The following AP2B1 variants were observed in gnomAD, a reference collection of about 807,000 sequenced individuals.
AP2B1 encodes the protein adaptor related protein complex 2 subunit beta 1, also known as AP-2 complex subunit beta.
A neutral mutation model predicts 102.0 loss-of-function variants in AP2B1; 23 were observed. The ratio of observed to expected loss-of-function variants is 0.23; its 90% CI spans 0.16 to 0.32. The LOEUF (loss-of-function observed/expected upper bound fraction) is 0.32, where lower values mean the gene tolerates loss of function less well. Among genes scored for constraint, AP2B1 ranks in the 10% least tolerant of loss-of-function variants. AP2B1 has a pLI of 1.00. For synonymous variants in AP2B1, 381 were observed against 421.2 expected (o/e 0.90, Z 1.17); for missense variants, 541 against 1,157.4 (o/e 0.47, Z 7.73).
intron 17 of AP2B1, among the ~76,000 whole-genome samples, chr17:35,678,686 A>G (rs2075753204): frequency 1.3e-5 from 2 of 152,226 alleles, no homozygotes; most frequent in African/African-American, 4.8e-5. Flanking sequence ...AACCAACCTT[A>G]CATTCCTGGG....
intron 14 of AP2B1, among the ~76,000 whole-genome samples, chr17:35,658,830 C>T (rs8073935): frequency 0.63 from 95,018 of 151,994 alleles, 29,743 homozygotes; most frequent in Non-Finnish European, 0.65. Context: ...GGGATTTATA[C>T]CAGCCAGTAG....
intron 12 of AP2B1, 33 bp downstream of exon 12, chr17:35,642,008 T>A (rs368682270): frequency 1.1e-4 from 167 of 1,515,268 alleles, no homozygotes; most frequent in Non-Finnish European, 1.5e-4. Context: ...GATGTTGATT[T>A]GTCTTGTTTC....
chr17:35,597,859 G>C (rs1023640578), intron 2 of AP2B1, among the ~76,000 whole-genome samples: 1 of 152,136 alleles, frequency 6.6e-6, no homozygotes, highest in African/African-American at 2.4e-5. Context: ...ATACGCGCCT[G>C]CTCCCTACCT....
chr17:35,589,321 G>A (rs960669686), intron 1 of AP2B1, among the ~76,000 whole-genome samples: 19 of 152,238 alleles, frequency 1.2e-4, no homozygotes, highest in African/African-American at 4.6e-4. Context: ...GGTTAACTTT[G>A]GCCAGTTTTT....
At chr17:35,720,449 C>G (rs1229175742) in intron 21 of AP2B1, among the ~76,000 whole-genome samples, 2 of 149,562 alleles carry the variant, frequency 1.3e-5, no homozygotes, top group Non-Finnish European at 3.0e-5. Flanking sequence ...ATAAATTCAG[C>G]ATGGAATAAA....
At position 35,686,977 on chromosome 17, in the gene AP2B1, AAAAAG is replaced by A. The variant is rs1178507460; in HGVS notation, c.2454+4168_2454+4172del. 2.6e-5 allele frequency among the ~76,000 whole-genome samples: 4 copies of A among 152,164 alleles called. No homozygotes were observed. In the South Asian group the frequency reaches 6.2e-4, roughly 24 times the overall value. The stretch of plus-strand genomic sequence containing the variant: ...GGGTGACAGAGCGAGACTCCGTCTC[AAAAAG>A]AAAAGAAAAGAAAAACCCAGTCCTG... On this transcript the variant is annotated intron_variant, in intron 18 of 21. Transcript: ENST00000610402.
At chr17:35,620,065 C>T (rs183645609) in intron 5 of AP2B1, among the ~76,000 whole-genome samples, 7 of 152,244 alleles carry the variant, frequency 4.6e-5, no homozygotes, top group East Asian at 1.9e-4. Context: ...GGATTACAGG[C>T]GTGAACCACC....
rs755678145 is a variant in AP2B1 at position 35,636,304 on chromosome 17, TC to T, written c.1156-36del. 5.8e-5 allele frequency: 86 copies of T among 1,476,980 alleles called. No individual in the cohort carries two copies. The African/African-American group carries it at 1.1e-3, about 19-fold the overall frequency. The allele number at this position is 1,476,980 out of a possible 1,614,324, so 91.5% of individuals were successfully genotyped here. ...TGTTGAGGTGGTGTTATCGCATAGA[TC>T]ATCTGACTTCTCATTTTTTGTATTT... On this transcript the variant is annotated intron_variant, in intron 9 of 21. Transcript: ENST00000610402.
intron 18 of AP2B1, among the ~76,000 whole-genome samples, chr17:35,701,635 C>T (rs2076241303): frequency 6.6e-6 from 1 of 152,318 alleles, no homozygotes; most frequent in East Asian, 1.9e-4. Flanking sequence ...CAGGATCTCA[C>T]TCTGTTGCCC....
intron 5 of AP2B1, among the ~76,000 whole-genome samples, chr17:35,610,604 A>G (rs183871777): frequency 6.5e-4 from 98 of 151,574 alleles, no homozygotes; most frequent in Admixed American, 2.8e-3. Context: ...CTCTACAAAA[A>G]TTTTTTTAAA....
chr17:35,650,840 G>A (rs762503125), intron 13 of AP2B1, 51 bp downstream of exon 13: 3 of 1,580,760 alleles, frequency 1.9e-6, no homozygotes, highest in Admixed American at 3.5e-5. Flanking sequence ...TGTTTAGACA[G>A]CGTTGCTCTT....
At chr17:35,668,326 T>A (rs1202513260) in intron 14 of AP2B1, among the ~76,000 whole-genome samples, 1 of 152,170 alleles carries the variant, frequency 6.6e-6, no homozygotes, top group African/African-American at 2.4e-5. Flanking sequence ...AAATAACTGA[T>A]TCTCTAACGG....
At chr17:35,656,988 A>G (rs188120972) in intron 13 of AP2B1, among the ~76,000 whole-genome samples, 15 of 152,244 alleles carry the variant, frequency 9.9e-5, no homozygotes, top group Admixed American at 5.2e-4. Context: ...GCTCCTGCCA[A>G]TATAATTTTT....
rs2073655463 is a variant in AP2B1 at position 35,605,835 on chromosome 17, G to T, written c.274G>T (p.Val92Leu). The T allele has an allele frequency of 6.2e-7, 1 of 1,608,432 alleles. No individual in the cohort carries two copies. The highest frequency in any genetic ancestry group is 1.3e-5 in the African/African-American group (1 of 74,498). ...DMAIMAVNSF[V>L]KDCEDPNPLI... ...GGCCATCATGGCTGTAAACAGCTTT[G>T]TGAAGGTAACTTTTCCCAAGGCCTC... is the stretch of plus-strand genomic sequence containing the variant. Residue 92 changes from valine to leucine, a missense_variant, in exon 4 of 22, where the codon GTG (valine) becomes TTG (leucine). This residue lies in a region of AP2B1 where 28 missense variants were observed against 98.3 expected (regional missense o/e 0.28). Transcript: ENST00000610402.
intron 20 of AP2B1, among the ~76,000 whole-genome samples, chr17:35,714,560 T>C (rs1410888092): frequency 3.3e-5 from 5 of 152,118 alleles, no homozygotes; most frequent in East Asian, 1.9e-4. Flanking sequence ...AGAAATCTTA[T>C]ATTGGCTGGG....
chr17:35,709,992 A>G (rs2076415310), intron 19 of AP2B1, among the ~76,000 whole-genome samples: 1 of 152,232 alleles, frequency 6.6e-6, no homozygotes, highest in Non-Finnish European at 1.5e-5. Flanking sequence ...ATAGGAAAAC[A>G]AGGGAGCCAA....
At position 35,647,652 on chromosome 17, in the gene AP2B1, A is replaced by G. The variant is rs781477870; in HGVS notation, c.1537-2878A>G. On this transcript the variant is annotated intron_variant, in intron 12 of 21. Coordinates refer to ENST00000610402, the MANE Select transcript of AP2B1 (RefSeq NM_001030006.2). ...TTCTATATGCTTTTCGTCTTTAACC[A>G]CCAATCCATTATGAGTGCAATTTAA... 6.6e-5 allele frequency among the ~76,000 whole-genome samples: 10 copies of G among 152,144 alleles called. No homozygotes were observed. In the East Asian group the frequency reaches 1.9e-3, roughly 29 times the overall value.
intron 21 of AP2B1, 134 bp from the exon 22 acceptor site, chr17:35,723,491 C>G (rs2085462220): frequency 6.4e-6 from 4 of 624,080 alleles, no homozygotes; most frequent in East Asian, 5.2e-5. Context: ...AACATAATCT[C>G]TTTGTTTAGC....
chr17:35,695,015 A>C (rs924370140), intron 18 of AP2B1, among the ~76,000 whole-genome samples: 1 of 152,226 alleles, frequency 6.6e-6, no homozygotes, highest in African/African-American at 2.4e-5. Context: ...AGACAGCAGC[A>C]ACCAAGGGCA....
Sources: gnomAD v4.1 joint callset for allele counts (sites outside exome capture counted in the v4.1 genomes callset) on GRCh38, gnomAD v4.1.1 for gene constraint, gnomAD v4.1.1 regional missense constraint, MANE v1.5 for transcripts, NCBI Gene and HGNC (gene_info 2026-07-23, HGNC 2026-07-21) for gene names.